Variants in C12orf42 observed in about 807,000 individuals in gnomAD.
C12orf42 encodes chromosome 12 open reading frame 42.
Under a neutral mutation model 21.6 loss-of-function variants are expected in C12orf42, and 25 were observed. The ratio of observed to expected loss-of-function variants is 1.16; its 90% CI spans 0.84 to 1.62. The LOEUF is 1.62. Among genes scored for constraint, C12orf42 ranks in the 40% most tolerant of loss-of-function variants. The pLI, the probability that C12orf42 is intolerant of heterozygous loss-of-function variation, is 0.00. For synonymous variants in C12orf42, 174 were observed against 175.0 expected (o/e 0.99, Z 0.05); for missense variants, 483 against 459.3 (o/e 1.05, Z -0.47).
At chr12:103,047,869 G>A in the C12orf42 span, among the ~76,000 whole-genome samples, 1 of 152,288 alleles carries the variant, frequency 6.6e-6, no homozygotes, top group African/African-American at 2.4e-5. Flanking sequence ...AGGATTCCTA[G>A]AAAGAGTAGA....
At chr12:103,454,779 T>C (rs1348119938) in intron 2 of C12orf42, among the ~76,000 whole-genome samples, 2 of 152,306 alleles carry the variant, frequency 1.3e-5, no homozygotes, top group East Asian at 3.9e-4. Context: ...CCACTGATAA[T>C]TCCTATCCAG....
the C12orf42 span, among the ~76,000 whole-genome samples, chr12:103,505,833 A>T: frequency 6.6e-6 from 1 of 152,178 alleles, no homozygotes; most frequent in African/African-American, 2.4e-5. Context: ...GGGGTCACAA[A>T]TGAGATGGCA....
At chr12:103,201,862 T>A in the C12orf42 span, among the ~76,000 whole-genome samples, 3 of 152,048 alleles carry the variant, frequency 2.0e-5, no homozygotes, top group Non-Finnish European at 4.4e-5. Context: ...ATCACTCGTT[T>A]GCTTTTTGTT....
the C12orf42 span, among the ~76,000 whole-genome samples, chr12:103,105,624 A>G: frequency 6.6e-6 from 1 of 152,328 alleles, no homozygotes; most frequent in African/African-American, 2.4e-5. Context: ...AAACCTGCAC[A>G]TATACCTCCC....
the C12orf42 span, among the ~76,000 whole-genome samples, chr12:103,524,711 T>C: frequency 7.9e-5 from 12 of 152,290 alleles, no homozygotes; most frequent in African/African-American, 2.9e-4. Flanking sequence ...GAATAGCTGC[T>C]AAGGGGCAGA....
At chr12:103,497,011 C>T (rs969293284), upstream of C12orf42, among the ~76,000 whole-genome samples, 1 of 151,992 alleles carries the variant, frequency 6.6e-6, no homozygotes, top group Non-Finnish European at 1.5e-5. Flanking sequence ...GCTAAAGTCT[C>T]GTGATCATCG....
chr12:103,390,261 G>A (rs139122939), intron 3 of C12orf42, among the ~76,000 whole-genome samples: 8 of 152,184 alleles, frequency 5.3e-5, no homozygotes, highest in African/African-American at 1.2e-4. Context: ...AGTTCTAAGC[G>A]TTTTACCTCA....
At chr12:103,266,515 G>A (rs2035179799), downstream of C12orf42, among the ~76,000 whole-genome samples, 1 of 152,016 alleles carries the variant, frequency 6.6e-6, no homozygotes, top group East Asian at 1.9e-4. Context: ...TCTAAATTCT[G>A]AAGAATTAAA....
intron 2 of C12orf42, among the ~76,000 whole-genome samples, chr12:103,448,329 C>G (rs1281390983): frequency 6.6e-6 from 1 of 152,022 alleles, no homozygotes; most frequent in Non-Finnish European, 1.5e-5. Flanking sequence ...AGACCTGAAA[C>G]CATAAAGATT....
intron 5 of C12orf42, among the ~76,000 whole-genome samples, chr12:103,302,896 A>G (rs2037875065): frequency 6.6e-6 from 1 of 152,188 alleles, no homozygotes; most frequent in Admixed American, 6.5e-5. Context: ...TCGGTGGCTA[A>G]AATAGGGCCC....
Position 103,302,066 on chromosome 12 carries a change from T to C in C12orf42, c.*42A>G, listed in dbSNP as rs955895105. The C allele has an allele frequency of 6.4e-7, 1 of 1,574,636 alleles. No individual in the cohort carries two copies. The highest frequency in any genetic ancestry group is 1.2e-5 in the South Asian group (1 of 83,914). On this transcript the variant is annotated 3_prime_UTR_variant, in exon 6 of 6. Coordinates refer to ENST00000548883, the MANE Select transcript of C12orf42 (RefSeq NM_198521.5). ...TCTGTTGTTCTGAGCAGGCATTGAT[T>C]TGAAGATGGGCAGCACTCGCCGAAC...
At chr12:103,543,763 A>G in the C12orf42 span, among the ~76,000 whole-genome samples, 7 of 152,160 alleles carry the variant, frequency 4.6e-5, no homozygotes, top group Non-Finnish European at 8.8e-5. Flanking sequence ...TATATTTACA[A>G]CTTTCTTACT....
intron 4 of C12orf42, among the ~76,000 whole-genome samples, chr12:103,346,521 A>G (rs1331937102): frequency 6.6e-6 from 1 of 152,210 alleles, no homozygotes; most frequent in Non-Finnish European, 1.5e-5. Context: ...ATAGCAGAAC[A>G]TTCTTTTTCC....
the C12orf42 span, among the ~76,000 whole-genome samples, chr12:103,108,350 T>C: frequency 6.6e-6 from 1 of 151,768 alleles, no homozygotes; most frequent in Non-Finnish European, 1.5e-5. Flanking sequence ...AGTAGACAAA[T>C]CAGTATTAGA....
chr12:103,248,858 T>C (rs1164744660), intron 10 of C12orf42, among the ~76,000 whole-genome samples: 6 of 152,046 alleles, frequency 3.9e-5, no homozygotes, highest in Non-Finnish European at 8.8e-5. Context: ...TGGTATATGG[T>C]TGACTATTTT....
At chr12:103,331,522 G>C (rs1051303311) in intron 4 of C12orf42, among the ~76,000 whole-genome samples, 2 of 152,176 alleles carry the variant, frequency 1.3e-5, no homozygotes, top group African/African-American at 4.8e-5. Context: ...TTACAGTCTG[G>C]TGAAAGGACA....
chr12:103,485,932 A>G (rs1954802797), intron 1 of C12orf42, among the ~76,000 whole-genome samples: 1 of 152,162 alleles, frequency 6.6e-6, no homozygotes, highest in African/African-American at 2.4e-5. Flanking sequence ...GGACAATTTG[A>G]CTTCCTCTTT....
chr12:103,066,710 GA>G, the C12orf42 span, among the ~76,000 whole-genome samples: 1 of 152,234 alleles, frequency 6.6e-6, no homozygotes, highest in African/African-American at 2.4e-5. Flanking sequence ...CTGATGGTCA[GA>G]AACTTGAAAG....
At chr12:103,072,216 A>G in the C12orf42 span, among the ~76,000 whole-genome samples, 2 of 152,178 alleles carry the variant, frequency 1.3e-5, no homozygotes, top group East Asian at 3.9e-4. Context: ...ACATGGTAAG[A>G]GTTCATCATT....
Sources: allele counts gnomAD v4.1 joint callset (sites outside exome capture counted in the v4.1 genomes callset), GRCh38; gene constraint gnomAD v4.1.1; transcripts MANE v1.5; gene names NCBI Gene and HGNC (gene_info 2026-07-23, HGNC 2026-07-21).